The following ABLIM1 variants were observed in gnomAD, a reference collection of about 807,000 sequenced individuals.
ABLIM1 encodes actin binding LIM protein 1, also known as actin-binding LIM protein 1.
ABLIM1 carries 40 observed loss-of-function variants against 107.0 expected under a neutral mutation model. That is an observed-to-expected ratio of 0.37 (90% CI 0.29 to 0.49). The LOEUF is 0.49. Among genes scored for constraint, ABLIM1 ranks in the 20% least tolerant of loss-of-function variants. The pLI, the probability that ABLIM1 is intolerant of heterozygous loss-of-function variation, is 0.97. For missense variants in ABLIM1, 857 were observed against 1,008.5 expected (o/e 0.85, Z 2.04); for synonymous variants, 357 against 357.3 (o/e 1.00, Z 0.01).
At chr10:114,669,289 A>G (rs2080154000) in intron 1 of ABLIM1, among the ~76,000 whole-genome samples, 1 of 152,228 alleles carries the variant, frequency 6.6e-6, no homozygotes, top group South Asian at 2.1e-4. Context: ...CCTGTCAAGG[A>G]AAGGGAGAGA....
At chr10:114,676,177 A>C (rs971466361) in intron 1 of ABLIM1, among the ~76,000 whole-genome samples, 2 of 152,234 alleles carry the variant, frequency 1.3e-5, no homozygotes, top group Non-Finnish European at 2.9e-5. Flanking sequence ...CTGGTATAAC[A>C]ACAAATGAAA....
intron 1 of ABLIM1, among the ~76,000 whole-genome samples, chr10:114,719,177 T>C (rs372282214): frequency 6.6e-6 from 1 of 152,220 alleles, no homozygotes; most frequent in African/African-American, 2.4e-5. Flanking sequence ...CCTTAAATGA[T>C]AAAATTAATA....
At chr10:114,795,362 C>G in the ABLIM1 span, among the ~76,000 whole-genome samples, 1 of 152,126 alleles carries the variant, frequency 6.6e-6, no homozygotes, top group African/African-American at 2.4e-5. Context: ...ATAACTAATA[C>G]CAGGTCCACT....
At chr10:114,646,938 C>T (rs1397493353) in intron 1 of ABLIM1, among the ~76,000 whole-genome samples, 1 of 151,976 alleles carries the variant, frequency 6.6e-6, no homozygotes, top group African/African-American at 2.4e-5. Flanking sequence ...TAGCACTGGA[C>T]CAATTGGTGA....
upstream of ABLIM1, among the ~76,000 whole-genome samples, chr10:114,660,909 A>G (rs539380936): frequency 3.3e-5 from 5 of 152,294 alleles, no homozygotes; most frequent in South Asian, 1.0e-3. Context: ...CTCTTCCATA[A>G]CAAAGCTGTT....
intron 1 of ABLIM1, among the ~76,000 whole-genome samples, chr10:114,725,703 T>A (rs1013972386): frequency 9.3e-5 from 14 of 150,652 alleles, no homozygotes; most frequent in African/African-American, 3.2e-4. Context: ...TCACTATATA[T>A]AATATATATA....
At position 114,495,376 on chromosome 10, in the gene ABLIM1, A is replaced by ATGATGGTGATGATGGTGGTGG. The variant is rs1217505436; in HGVS notation, c.895-3519_895-3499dup. On this transcript the variant is annotated intron_variant, in intron 6 of 22. Coordinates refer to ENST00000533213, the MANE Select transcript of ABLIM1 (RefSeq NM_002313.7). ...GAACCTCTATTGTAAAGTAGAGATGATGATGGTGATGATGGTGGTGGTGAT... is the reference window on the plus strand; with the variant it reads ...GAACCTCTATTGTAAAGTAGAGATGATGATGGTGATGATGGTGGTGGTGATGGTGATGATGGTGGTGGTGAT... 3.3e-5 allele frequency among the ~76,000 whole-genome samples: 5 copies of ATGATGGTGATGATGGTGGTGG among 152,166 alleles called. No individual in the cohort carries two copies. In the East Asian group the frequency reaches 7.7e-4, roughly 23 times the overall value.
chr10:114,639,474 G>T (rs762556270), intron 1 of ABLIM1, among the ~76,000 whole-genome samples: 1 of 152,164 alleles, frequency 6.6e-6, no homozygotes. Context: ...CACACAGGCC[G>T]CCTGATTAAA....
At chr10:114,522,983 T>A (rs2063988567) in intron 6 of ABLIM1, among the ~76,000 whole-genome samples, 1 of 152,104 alleles carries the variant, frequency 6.6e-6, no homozygotes. Context: ...AAACCCCATC[T>A]CTACTAAAAA....
the ABLIM1 span, among the ~76,000 whole-genome samples, chr10:114,788,156 CT>C: frequency 3.3e-5 from 5 of 151,434 alleles, no homozygotes; most frequent in Non-Finnish European, 7.4e-5. Context: ...GTCATCACCA[CT>C]CCCTAATCTC....
rs1190770090 is a variant in ABLIM1, at chr10:114,619,077, C to T, written c.245-17116G>A. On this transcript the variant is annotated intron_variant, in intron 1 of 22. Transcript: ENST00000533213. The surrounding 1 kb of genome is among the most constrained non-coding windows in gnomAD (Gnocchi z 4.1). The stretch of plus-strand genomic sequence containing the variant: ...CCCTGCACCCAAGGAATGGTTAAAC[C>T]TTTCCTGCTGCATGGAAGGCCTGCT... Among the ~76,000 whole-genome samples, 1 of 152,138 alleles carries T rather than the reference C, an allele frequency of 6.6e-6. No individual in the cohort carries two copies. Among genetic ancestry groups the T allele is most frequent in the Non-Finnish European group, 1.5e-5 (1 of 68,026 alleles).
chr10:114,687,641 A>C (rs570739720), upstream of ABLIM1, among the ~76,000 whole-genome samples: 7 of 152,328 alleles, frequency 4.6e-5, no homozygotes, highest in African/African-American at 1.4e-4. Flanking sequence ...CAATTACAGA[A>C]TAGGAGACAA....
chr10:114,774,808 A>G, the ABLIM1 span, among the ~76,000 whole-genome samples: 1 of 152,112 alleles, frequency 6.6e-6, no homozygotes, highest in South Asian at 2.1e-4. Flanking sequence ...CATAAAGGAA[A>G]TCAGTACAAG....
intron 1 of ABLIM1, among the ~76,000 whole-genome samples, chr10:114,725,079 C>T (rs1322043240): frequency 2.6e-5 from 4 of 152,160 alleles, no homozygotes; most frequent in Admixed American, 2.6e-4. Flanking sequence ...GGAAATCTTC[C>T]TCAACAAGCA....
At chr10:114,459,621 A>T (rs1016369582) in intron 12 of ABLIM1, among the ~76,000 whole-genome samples, 3 of 152,168 alleles carry the variant, frequency 2.0e-5, no homozygotes, top group Non-Finnish European at 4.4e-5. Context: ...TGCCCAAAGC[A>T]GCCAATGATT....
chr10:114,543,659 A>G (rs1168338075), intron 6 of ABLIM1, among the ~76,000 whole-genome samples: 1 of 152,220 alleles, frequency 6.6e-6, no homozygotes, highest in Non-Finnish European at 1.5e-5. Flanking sequence ...TAATCACATG[A>G]CACTCCAGCT....
intron 2 of ABLIM1, among the ~76,000 whole-genome samples, chr10:114,582,195 A>C (rs1300819900): frequency 6.6e-6 from 1 of 152,142 alleles, no homozygotes; most frequent in Non-Finnish European, 1.5e-5. Context: ...ATATACAAAA[A>C]CCAGTATAAT....
intron 1 of ABLIM1, among the ~76,000 whole-genome samples, chr10:114,755,218 T>C (rs898312804): frequency 6.6e-6 from 1 of 152,188 alleles, no homozygotes; most frequent in Non-Finnish European, 1.5e-5. Context: ...GAACTGTGCA[T>C]GCGAAGGATA....
chr10:114,578,243 C>T (rs1045215563), intron 2 of ABLIM1, among the ~76,000 whole-genome samples: 3 of 152,178 alleles, frequency 2.0e-5, no homozygotes, highest in Non-Finnish European at 4.4e-5. Context: ...ACAGGCAGAC[C>T]GCCATGCCTC....
Sources: allele counts gnomAD v4.1 joint callset (sites outside exome capture counted in the v4.1 genomes callset), GRCh38; gene constraint gnomAD v4.1.1; non-coding constraint Gnocchi (gnomAD v3.1); transcripts MANE v1.5; gene names NCBI Gene and HGNC (gene_info 2026-07-23, HGNC 2026-07-21).